Variants in CEP83 observed in about 807,000 individuals in gnomAD.
The protein encoded by CEP83 is centrosomal protein of 83 kDa.
Under a neutral mutation model 101.9 loss-of-function variants are expected in CEP83, and 70 were observed. The ratio of observed to expected loss-of-function variants is 0.69; its 90% CI spans 0.57 to 0.84. The LOEUF is 0.84. Among genes scored for constraint, CEP83 ranks in the 40% least tolerant of loss-of-function variants. The pLI is 0.00. For missense variants in CEP83, 715 were observed against 787.2 expected (o/e 0.91, Z 1.10); for synonymous variants, 264 against 267.9 (o/e 0.99, Z 0.14).
At chr12:94,388,394 G>A (rs2062289750) in intron 6 of CEP83, among the ~76,000 whole-genome samples, 1 of 152,078 alleles carries the variant, frequency 6.6e-6, no homozygotes, top group African/African-American at 2.4e-5. Flanking sequence ...GACTACATAT[G>A]GACATAAAGA....
At chr12:94,454,629 A>C (rs2067512451) in intron 1 of CEP83, among the ~76,000 whole-genome samples, 1 of 152,224 alleles carries the variant, frequency 6.6e-6, no homozygotes, top group Non-Finnish European at 1.5e-5. Context: ...GTCCCCTTCC[A>C]TGCCGTGGAA....
At chr12:94,325,266 G>A (rs1440345555) in intron 14 of CEP83, among the ~76,000 whole-genome samples, 3 of 151,890 alleles carry the variant, frequency 2.0e-5, no homozygotes, top group Non-Finnish European at 4.4e-5. Flanking sequence ...CTGCCTCCAG[G>A]GTTCAAGCAA....
At chr12:94,455,913 G>A (rs2067639087) in intron 1 of CEP83, among the ~76,000 whole-genome samples, 2 of 151,986 alleles carry the variant, frequency 1.3e-5, no homozygotes, top group South Asian at 4.1e-4. Context: ...CAGGTGTGGT[G>A]GCATGCACCT....
chr12:94,385,765 A>T (rs2062107935), intron 6 of CEP83, among the ~76,000 whole-genome samples: 2 of 152,174 alleles, frequency 1.3e-5, no homozygotes, highest in Non-Finnish European at 2.9e-5. Flanking sequence ...TCTGGAATGC[A>T]GCTAAGATAT....
intron 11 of CEP83, among the ~76,000 whole-genome samples, chr12:94,364,502 C>A (rs2060925826): frequency 6.6e-6 from 1 of 151,984 alleles, no homozygotes; most frequent in South Asian, 2.1e-4. Context: ...ATGGTACAGG[C>A]GCCTAAAGTT....
chr12:94,273,179 C>T, the CEP83 span, among the ~76,000 whole-genome samples: 2 of 152,226 alleles, frequency 1.3e-5, no homozygotes, highest in African/African-American at 2.4e-5. Context: ...GATAAGCACT[C>T]AATAAATGCT....
the CEP83 span, among the ~76,000 whole-genome samples, chr12:94,275,608 C>G: frequency 1.6e-4 from 14 of 86,230 alleles, 2 homozygotes; most frequent in African/African-American, 6.5e-4. Context: ...AATCCCAGCA[C>G]TTTGGGAGGC....
chr12:94,404,549 CTG>C (rs2063431734), intron 4 of CEP83, among the ~76,000 whole-genome samples: 1 of 152,126 alleles, frequency 6.6e-6, no homozygotes, highest in African/African-American at 2.4e-5. Flanking sequence ...TATCTAAACA[CTG>C]TAACATTTCC....
downstream of CEP83, among the ~76,000 whole-genome samples, chr12:94,302,912 T>C (rs929170410): frequency 1.3e-5 from 2 of 152,178 alleles, no homozygotes; most frequent in African/African-American, 4.8e-5. Context: ...GATAGCATGA[T>C]TTCTGGGTTC....
At chr12:94,325,829 T>C (rs931491485) in intron 14 of CEP83, among the ~76,000 whole-genome samples, 5 of 152,154 alleles carry the variant, frequency 3.3e-5, no homozygotes, top group African/African-American at 1.2e-4. Flanking sequence ...CAAAAATTCA[T>C]GGGCACCCAG....
At chr12:94,267,572 G>A in the CEP83 span, among the ~76,000 whole-genome samples, 2 of 152,058 alleles carry the variant, frequency 1.3e-5, no homozygotes, top group Non-Finnish European at 2.9e-5. Flanking sequence ...CATAAGATTT[G>A]AGCCTTGAAA....
chr12:94,317,657 T>C (rs1003324809), intron 14 of CEP83, among the ~76,000 whole-genome samples: 3 of 152,188 alleles, frequency 2.0e-5, no homozygotes, highest in Non-Finnish European at 4.4e-5. Flanking sequence ...CCAGCACCAT[T>C]TAATGAATGG....
chr12:94,329,213 C>A (rs1163246939), intron 14 of CEP83, among the ~76,000 whole-genome samples: 1 of 152,092 alleles, frequency 6.6e-6, no homozygotes, highest in Non-Finnish European at 1.5e-5. Context: ...AAAAATTCAT[C>A]CTGTCACAAT....
chr12:94,279,480 C>T, the CEP83 span: 30 of 1,612,976 alleles, frequency 1.9e-5, no homozygotes, highest in Admixed American at 1.8e-4. Flanking sequence ...AGGCATTAAA[C>T]GTCGTCTTTG....
intron 4 of CEP83, among the ~76,000 whole-genome samples, chr12:94,404,723 T>A (rs2063440300): frequency 6.6e-6 from 1 of 152,128 alleles, no homozygotes; most frequent in Non-Finnish European, 1.5e-5. Context: ...AATGAATATA[T>A]ACAATTACAT....
At chr12:94,442,835 T>A (rs535002670) in intron 1 of CEP83, among the ~76,000 whole-genome samples, 1 of 152,290 alleles carries the variant, frequency 6.6e-6, no homozygotes, top group South Asian at 2.1e-4. Context: ...CTATCCTCTA[T>A]TTATAACAAA....
Position 94,403,279 on chromosome 12 carries a change from T to C in CEP83, c.325-17A>G, listed in dbSNP as rs1273559883. 9.4e-7 allele frequency: 1 copy of C among 1,060,402 alleles called. No homozygotes were observed. The allele number at this position is 1,060,402 out of a possible 1,614,324, so 65.7% of individuals were successfully genotyped here. ...AGTTAATATCTAATATGTAGAGAAA[T>C]GCAAACAATATAAAATCACATTAAA... On this transcript the variant is annotated splice_polypyrimidine_tract_variant and intron_variant, in intron 4 of 16. Transcript: ENST00000397809.
chr12:94,338,223 T>A (rs2059533025), intron 11 of CEP83, among the ~76,000 whole-genome samples: 2 of 152,106 alleles, frequency 1.3e-5, no homozygotes, highest in Middle Eastern at 3.4e-3. Context: ...GTTGGGTAGT[T>A]CAACAATATG....
At chr12:94,289,699 G>A in the CEP83 span, among the ~76,000 whole-genome samples, 1 of 152,130 alleles carries the variant, frequency 6.6e-6, no homozygotes, top group Admixed American at 6.5e-5. Flanking sequence ...CAGCTGACTT[G>A]TGCTAAAAAG....
Sources: gnomAD v4.1 joint callset for allele counts (sites outside exome capture counted in the v4.1 genomes callset) on GRCh38, gnomAD v4.1.1 for gene constraint, MANE v1.5 for transcripts, NCBI Gene and HGNC (gene_info 2026-07-23, HGNC 2026-07-21) for gene names.